Variants in LDLRAD4 observed in about 807,000 individuals in gnomAD.
LDLRAD4 encodes the protein low-density lipoprotein receptor class A domain-containing protein 4.
A neutral mutation model predicts 17.0 loss-of-function variants in LDLRAD4; 5 were observed. The ratio of observed to expected loss-of-function variants is 0.29; its 90% CI spans 0.15 to 0.62. The LOEUF is 0.62. Ranked by LOEUF, LDLRAD4 falls within the 20% of genes least tolerant of loss-of-function variation. The pLI, the probability that LDLRAD4 is intolerant of heterozygous loss-of-function variation, is 0.84. For missense variants in LDLRAD4, 340 were observed against 424.7 expected (o/e 0.80, Z 1.75); for synonymous variants, 168 against 171.8 (o/e 0.98, Z 0.17).
intron 3 of LDLRAD4, chr18:13,614,799 G>C (rs1413080902): frequency 6.6e-6 from 1 of 152,104 alleles, no homozygotes; most frequent in African/African-American, 2.4e-5. Flanking sequence ...CAGCCTTTAG[G>C]AACATTCAGC....
chr18:13,516,731 T>C (rs568734501), intron 3 of LDLRAD4, among the ~76,000 whole-genome samples: 33 of 152,374 alleles, frequency 2.2e-4, no homozygotes, highest in Non-Finnish European at 3.4e-4. Flanking sequence ...CCCTGGATAA[T>C]GGCGATTCAT....
intron 3 of LDLRAD4, among the ~76,000 whole-genome samples, chr18:13,518,598 G>T (rs1163534304): frequency 6.6e-6 from 1 of 152,134 alleles, no homozygotes; most frequent in Admixed American, 6.5e-5. Context: ...TTTGTTTTGT[G>T]ATTTTCGTTT....
intron 1 of LDLRAD4, among the ~76,000 whole-genome samples, chr18:13,299,177 G>A (rs932211578): frequency 3.3e-5 from 5 of 152,234 alleles, no homozygotes; most frequent in Non-Finnish European, 7.3e-5. Context: ...GATGGTGGAC[G>A]GGGTGACTGT....
At chr18:13,421,699 C>G (rs977006049) in intron 2 of LDLRAD4, among the ~76,000 whole-genome samples, 1 of 152,224 alleles carries the variant, frequency 6.6e-6, no homozygotes, top group African/African-American at 2.4e-5. Flanking sequence ...CCCCCTGCCC[C>G]CCACCCACCG....
rs1282969155 is a variant in LDLRAD4, at chr18:13,398,140, C to T, written c.40+10378C>T. On this transcript the variant is annotated intron_variant, in intron 2 of 5. Transcript: ENST00000359446. The surrounding 1 kb of genome is among the most constrained non-coding windows in gnomAD (Gnocchi z 4.8). Reference sequence around the variant, plus strand: ...GATCCTCCCACTGTGGCGTTTCCTTCAGAACCGAGTTGGGGCAGGAGGGGA... The same window carrying T: ...GATCCTCCCACTGTGGCGTTTCCTTTAGAACCGAGTTGGGGCAGGAGGGGA... Among the ~76,000 whole-genome samples, 1 of 152,194 alleles carries T rather than the reference C, an allele frequency of 6.6e-6. No individual in the cohort carries two copies. Among genetic ancestry groups the T allele is most frequent in the East Asian group, 1.9e-4 (1 of 5,192 alleles).
chr18:13,465,756 G>A (rs563728834), intron 3 of LDLRAD4, among the ~76,000 whole-genome samples: 4 of 152,340 alleles, frequency 2.6e-5, no homozygotes, highest in East Asian at 3.9e-4. Context: ...CACTGAGTCT[G>A]TTTAGGCAAT....
chr18:13,561,861 A>G (rs1044900437), intron 3 of LDLRAD4: 1 of 152,264 alleles, frequency 6.6e-6, no homozygotes, highest in African/African-American at 2.4e-5. Context: ...CAAACCCTCC[A>G]GTAATGATTA....
intron 1 of LDLRAD4, among the ~76,000 whole-genome samples, chr18:13,253,432 T>C (rs2043332941): frequency 6.6e-6 from 1 of 152,184 alleles, no homozygotes. Context: ...TTTTTCCCTT[T>C]TCCACACCTC....
intron 3 of LDLRAD4, among the ~76,000 whole-genome samples, chr18:13,590,209 G>A (rs937289177): frequency 1.6e-4 from 24 of 151,876 alleles, no homozygotes; most frequent in African/African-American, 4.8e-4. Flanking sequence ...AAGGGTTTGT[G>A]TATGGGAGGG....
exon 2 of LDLRAD4, chr18:13,387,475 C>T (rs775686974): frequency 9.2e-5 from 40 of 433,352 alleles, no homozygotes; most frequent in African/African-American, 1.3e-4. Flanking sequence ...CCCCTCCACC[C>T]GCGCCATGGC....
chr18:13,466,027 T>G (rs911838510), intron 3 of LDLRAD4, among the ~76,000 whole-genome samples: 1 of 152,230 alleles, frequency 6.6e-6, no homozygotes, highest in African/African-American at 2.4e-5. Context: ...GTGCCTTCGG[T>G]GCTCAAAATA....
In LDLRAD4 at chr18:13,642,642, G is replaced by A. The variant is rs1256217399; in HGVS notation, c.337-717G>A. On this transcript the variant is annotated intron_variant, in intron 4 of 5. Transcript: ENST00000359446. ...TTGCGCCTCTGCTGGAGGCCGGGCA[G>A]GGCACGGGCGGGCCCCGGGCCACCT... 5.7e-6 allele frequency: 7 copies of A among 1,231,012 alleles called. No individual in the cohort carries two copies. In the East Asian group the frequency reaches 1.6e-4, roughly 28 times the overall value. The allele number at this position is 1,231,012 out of a possible 1,614,324, so 76.3% of individuals were successfully genotyped here.
chr18:13,451,941 G>T (rs1191061643), intron 3 of LDLRAD4, among the ~76,000 whole-genome samples: 2 of 152,208 alleles, frequency 1.3e-5, no homozygotes, highest in African/African-American at 4.8e-5. Context: ...GAGCCTAGCA[G>T]TGCTTCCCAT....
At chr18:13,355,101 G>T (rs1321251283) in intron 1 of LDLRAD4, among the ~76,000 whole-genome samples, 1 of 152,194 alleles carries the variant, frequency 6.6e-6, no homozygotes, top group Non-Finnish European at 1.5e-5. Context: ...ATTACACTGT[G>T]GCAAAGATGC....
rs867666335 is a variant in LDLRAD4, at chr18:13,463,130, A to G, written c.181+24746A>G. Among the ~76,000 whole-genome samples, 4 of 152,292 alleles carry G rather than the reference A, an allele frequency of 2.6e-5. No individual in the cohort carries two copies. The Middle Eastern group carries it at 0.01, about 389-fold the overall frequency. ...GAAGATGCCACACCGGGTTTCTAGA[A>G]TCACACGTGATGTGTGTGTGCACCT... On this transcript the variant is annotated intron_variant, in intron 3 of 5. Transcript: ENST00000359446.
chr18:13,229,239 T>A (rs1485117384), intron 1 of LDLRAD4, among the ~76,000 whole-genome samples: 1 of 152,182 alleles, frequency 6.6e-6, no homozygotes, highest in Non-Finnish European at 1.5e-5. Flanking sequence ...GGGCAGTTGC[T>A]CAGTTATCCT....
chr18:13,292,554 G>A (rs1430474845), intron 1 of LDLRAD4, among the ~76,000 whole-genome samples: 1 of 152,164 alleles, frequency 6.6e-6, no homozygotes, highest in Non-Finnish European at 1.5e-5. Context: ...CATTGGGGTG[G>A]GCTTTCTCAG....
At chr18:13,463,314 C>T (rs1314739860) in intron 3 of LDLRAD4, among the ~76,000 whole-genome samples, 5 of 152,192 alleles carry the variant, frequency 3.3e-5, no homozygotes, top group Non-Finnish European at 5.9e-5. Flanking sequence ...GGCCATGCTG[C>T]CTGCCCACCC....
At chr18:13,448,676 G>A (rs965309816) in intron 3 of LDLRAD4, among the ~76,000 whole-genome samples, 3 of 152,084 alleles carry the variant, frequency 2.0e-5, no homozygotes, top group South Asian at 2.1e-4. Context: ...CCGATAAGGC[G>A]GGAGGTGACG....
Sources: allele counts gnomAD v4.1 joint callset (sites outside exome capture counted in the v4.1 genomes callset), GRCh38; gene constraint gnomAD v4.1.1; non-coding constraint Gnocchi (gnomAD v3.1); transcripts MANE v1.5; gene names NCBI Gene and HGNC (gene_info 2026-07-23, HGNC 2026-07-21).